WWOX: variants seen among roughly 807,000 people sequenced by gnomAD.
WWOX encodes the protein WW domain-containing oxidoreductase.
WWOX carries 69 observed loss-of-function variants against 46.2 expected under a neutral mutation model. The observed-to-expected ratio is 1.49, with a 90% CI of 1.23 to 1.82. WWOX has a LOEUF of 1.82. Among genes scored for constraint, WWOX ranks in the 40% most tolerant of loss-of-function variants. WWOX has a pLI of 0.00. For missense variants in WWOX, 919 were observed against 542.6 expected (o/e 1.69, Z -6.89); for synonymous variants, 359 against 202.6 (o/e 1.77, Z -6.56).
At chr16:78,611,562 A>T (rs1401587632) in intron 8 of WWOX, among the ~76,000 whole-genome samples, 3 of 152,194 alleles carry the variant, frequency 2.0e-5, no homozygotes, top group Non-Finnish European at 4.4e-5. Context: ...GTACTGCCCT[A>T]AGCAAGACCA....
In WWOX at chr16:78,136,694, G is replaced by C. The variant is rs191624952; in HGVS notation, c.409+21540G>C. Among the ~76,000 whole-genome samples the C allele has an allele frequency of 8.5e-3, 1,291 of 152,316 alleles. 29 individuals are homozygous for C. Among genetic ancestry groups the C allele is most frequent in the African/African-American group, 0.03 (1,243 of 41,560 alleles). ...TAAAGAGATGTTTGGGTTTTAAGAGGTCTATCAAATAACACAGTTTCCCTT... is the reference window on the plus strand; with the variant it reads ...TAAAGAGATGTTTGGGTTTTAAGAGCTCTATCAAATAACACAGTTTCCCTT... On this transcript the variant is annotated intron_variant, in intron 4 of 8. Coordinates refer to ENST00000566780, the MANE Select transcript of WWOX (RefSeq NM_016373.4).
chr16:78,531,707 TG>T (rs1012408327), intron 8 of WWOX, among the ~76,000 whole-genome samples: 2 of 151,934 alleles, frequency 1.3e-5, no homozygotes, highest in African/African-American at 4.8e-5. Context: ...TTTTGTATTT[TG>T]GGATTCGGTT....
At chr16:79,093,364 A>G (rs1340613520) in intron 8 of WWOX, among the ~76,000 whole-genome samples, 1 of 152,234 alleles carries the variant, frequency 6.6e-6, no homozygotes, top group African/African-American at 2.4e-5. Flanking sequence ...CTCATTTTAA[A>G]AAATGAGTCC....
At chr16:78,370,608 T>C (rs1365818186) in intron 5 of WWOX, among the ~76,000 whole-genome samples, 1 of 152,162 alleles carries the variant, frequency 6.6e-6, no homozygotes, top group Non-Finnish European at 1.5e-5. Context: ...TTATTTATTT[T>C]TTAATCTTCT....
At chr16:78,402,267 A>G (rs942200459) in intron 6 of WWOX, among the ~76,000 whole-genome samples, 39 of 152,302 alleles carry the variant, frequency 2.6e-4, no homozygotes, top group Admixed American at 1.8e-3. Flanking sequence ...TTCACTTAGC[A>G]TAATGTTCTA....
At chr16:78,556,989 G>A (rs1439651176) in intron 8 of WWOX, among the ~76,000 whole-genome samples, 1 of 152,008 alleles carries the variant, frequency 6.6e-6, no homozygotes. Context: ...AAAGTGCAGG[G>A]ATTAAGGCGT....
chr16:78,115,342 G>A (rs2032725912), intron 4 of WWOX, among the ~76,000 whole-genome samples, 188 bp downstream of exon 4: 1 of 152,036 alleles, frequency 6.6e-6, no homozygotes, highest in African/African-American at 2.4e-5. Context: ...CTGTGTAGGG[G>A]CTGACCTTGA....
chr16:79,133,373 T>G (rs2049920158), intron 8 of WWOX, among the ~76,000 whole-genome samples: 1 of 152,124 alleles, frequency 6.6e-6, no homozygotes, highest in Non-Finnish European at 1.5e-5. Flanking sequence ...CAATATCAGT[T>G]CCTTAAATGG....
Position 78,397,117 on chromosome 16 carries a change from C to G in WWOX, c.605+10169C>G, listed in dbSNP as rs138466323. ...TTAATTTCAATTCTTTGAAGAAACT[C>G]CCCCATGATATTTCACGGCTGAGAG... On this transcript the variant is annotated intron_variant, in intron 6 of 8. Coordinates refer to ENST00000566780, the MANE Select transcript of WWOX (RefSeq NM_016373.4). 1.6e-4 allele frequency among the ~76,000 whole-genome samples: 24 copies of G among 152,222 alleles called. No homozygotes were observed. The East Asian group carries it at 4.1e-3, about 26-fold the overall frequency.
chr16:78,369,825 G>T (rs975976684), intron 5 of WWOX, among the ~76,000 whole-genome samples: 2 of 152,084 alleles, frequency 1.3e-5, no homozygotes, highest in African/African-American at 4.8e-5. Context: ...GATAGAGGCA[G>T]CACAGTGCTG....
intron 8 of WWOX, among the ~76,000 whole-genome samples, chr16:78,782,248 T>C (rs945589812): frequency 2.6e-5 from 4 of 152,216 alleles, no homozygotes. Flanking sequence ...TCCTGGCTTC[T>C]GTCTTCCCTC....
chr16:78,651,021 T>C (rs536271848), intron 8 of WWOX, among the ~76,000 whole-genome samples: 2 of 152,352 alleles, frequency 1.3e-5, no homozygotes, highest in East Asian at 3.9e-4. Flanking sequence ...GCTTTTCTGC[T>C]GTTGGATTGA....
intron 8 of WWOX, among the ~76,000 whole-genome samples, chr16:78,788,488 T>A (rs1326031718): frequency 6.6e-6 from 1 of 152,190 alleles, no homozygotes; most frequent in African/African-American, 2.4e-5. Context: ...GCTGACCTCA[T>A]GAAGCTCCCA....
intron 8 of WWOX, among the ~76,000 whole-genome samples, chr16:78,779,426 G>A (rs759318257): frequency 6.6e-6 from 1 of 152,118 alleles, no homozygotes; most frequent in Admixed American, 6.6e-5. Flanking sequence ...AAGAGCCACC[G>A]TGTCCGGCCC....
chr16:78,757,019 A>G (rs904348771), intron 8 of WWOX: 1 of 702,766 alleles, frequency 1.4e-6, no homozygotes, highest in African/African-American at 1.7e-5. Flanking sequence ...CAGCCATGTG[A>G]GTGAACCACG....
At chr16:78,741,869 A>G (rs905629226) in intron 8 of WWOX, among the ~76,000 whole-genome samples, 1 of 152,248 alleles carries the variant, frequency 6.6e-6, no homozygotes, top group African/African-American at 2.4e-5. Flanking sequence ...AAATACATAC[A>G]TACAACATAA....
chr16:78,162,051 G>A lies in WWOX; in HGVS notation c.410-2132G>A, dbSNP rs117959402. On this transcript the variant is annotated intron_variant, in intron 4 of 8. Transcript: ENST00000566780. ...TCTTTGTTACTTTCTGCATCTCTGG[G>A]TTTATAGCTAAGGTCATTTTCCTCC... Among the ~76,000 whole-genome samples the A allele has an allele frequency of 2.0e-5, 3 of 152,156 alleles. No homozygotes were observed. In the South Asian group the frequency reaches 6.2e-4, roughly 32 times the overall value.
chr16:78,974,680 C>T (rs1267579081), intron 8 of WWOX, among the ~76,000 whole-genome samples: 1 of 152,190 alleles, frequency 6.6e-6, no homozygotes, highest in Non-Finnish European at 1.5e-5. Context: ...ACAGATTATT[C>T]TGTGGCTACC....
At chr16:78,664,262 C>T (rs569853284) in intron 8 of WWOX, among the ~76,000 whole-genome samples, 42 of 152,264 alleles carry the variant, frequency 2.8e-4, no homozygotes, top group African/African-American at 9.6e-4. Flanking sequence ...GTCTCCCTCC[C>T]ACTGGACCAC....
Sources: allele counts gnomAD v4.1 joint callset (sites outside exome capture counted in the v4.1 genomes callset), GRCh38; gene constraint gnomAD v4.1.1; transcripts MANE v1.5; gene names NCBI Gene and HGNC (gene_info 2026-07-23, HGNC 2026-07-21).